Variants in DNAJC10 observed in about 807,000 individuals in gnomAD.
DNAJC10 encodes DnaJ heat shock protein family (Hsp40) member C10.
DNAJC10 carries 101 observed loss-of-function variants against 115.0 expected under a neutral mutation model. The ratio of observed to expected loss-of-function variants is 0.88; its 90% CI spans 0.75 to 1.04. The LOEUF is 1.04. Ranked by LOEUF, DNAJC10 falls within the 50% of genes least tolerant of loss-of-function variation. The pLI is 0.00. For missense variants in DNAJC10, 981 were observed against 928.8 expected (o/e 1.06, Z -0.73); for synonymous variants, 307 against 301.5 (o/e 1.02, Z -0.19).
In DNAJC10 at chr2:182,740,792, A is replaced by T. The variant is rs111586554; in HGVS notation, c.1077+404A>T. On this transcript the variant is annotated intron_variant, in intron 12 of 23. Coordinates refer to ENST00000264065, the MANE Select transcript of DNAJC10 (RefSeq NM_018981.4). The stretch of plus-strand genomic sequence containing the variant: ...TGTGGTAGAATCAGTTTTTTTTCCT[A>T]TTAGGTTGGTGCAAAAGTAATTGCA... Among the ~76,000 whole-genome samples the T allele has an allele frequency of 6.6e-4, 101 of 152,186 alleles. 1 individual carries two copies. The highest frequency in any genetic ancestry group is 2.4e-3 in the African/African-American group (100 of 41,556).
intron 10 of DNAJC10, 115 bp from the exon 11 acceptor site, chr2:182,736,134 A>C (rs1693579019): frequency 2.3e-6 from 2 of 888,408 alleles, no homozygotes; most frequent in African/African-American, 1.8e-5. Flanking sequence ...GAACTAAGGC[A>C]TGAAGTTTTA....
In DNAJC10 at chr2:182,756,361, C is replaced by T. The variant is rs150626904; in HGVS notation, c.1701C>T (p.Asn567=). The T allele has an allele frequency of 1.3e-4, 207 of 1,613,940 alleles. No homozygotes were observed. In the African/African-American group the frequency reaches 1.9e-3, roughly 15 times the overall value. ...SVVSLTPTTF[N]ELVTQRKHNE... is the part of the protein sequence containing the mutation. The stretch of plus-strand genomic sequence containing the variant: ...TCTCCCTTACACCCACCACCTTCAA[C>T]GAACTAGTTACACAAAGAAAACACA... Residue 567 remains asparagine, a synonymous_variant, in exon 18 of 24, where the codon AAC becomes AAT. Coordinates refer to ENST00000264065, the MANE Select transcript of DNAJC10 (RefSeq NM_018981.4).
Position 182,739,234 on chromosome 2 carries a change from TTA to T in DNAJC10, c.988-1051_988-1050del, listed in dbSNP as rs962208780. Among the ~76,000 whole-genome samples the T allele has an allele frequency of 2.8e-4, 41 of 145,188 alleles. No individual in the cohort carries two copies. In the South Asian group the frequency reaches 3.4e-3, roughly 12 times the overall value. On this transcript the variant is annotated intron_variant, in intron 11 of 23. Transcript: ENST00000264065. ...TATATATATAATATCTCATATATATTTATATATATATATATCTCATATATATA... is the reference window on the plus strand; with the variant it reads ...TATATATATAATATCTCATATATATTTATATATATATATCTCATATATATA...
rs901696503 is a variant in DNAJC10 at position 182,782,484 on chromosome 2, G to A, written c.*5352G>A. On this transcript the variant is annotated 3_prime_UTR_variant, in exon 24 of 24. Transcript: ENST00000264065. ...AGTCAATGGTAGCTTGATGGGAATA[G>A]CATTGAATCTATAAATTACTTTGGG... 1 of 152,012 alleles carries A rather than the reference G, an allele frequency of 6.6e-6. No homozygotes were observed. Among genetic ancestry groups the A allele is most frequent in the Non-Finnish European group, 1.5e-5 (1 of 68,004 alleles). The allele number at this position is 152,012 out of a possible 1,614,324, so 9.4% of individuals were successfully genotyped here.
At chr2:182,774,632 C>T (rs1198243422) in intron 22 of DNAJC10, among the ~76,000 whole-genome samples, 2 of 152,252 alleles carry the variant, frequency 1.3e-5, no homozygotes, top group East Asian at 1.9e-4. Context: ...GAGCAAGGCT[C>T]CATGGGTGTG....
chr2:182,729,159 T>C, intron 7 of DNAJC10, 165 bp downstream of exon 7: 1 of 736,780 alleles, frequency 1.4e-6, no homozygotes, highest in Non-Finnish European at 2.1e-6. Flanking sequence ...TTATGAATTT[T>C]TTTTTTTGAG....
At chr2:182,731,185 T>A in intron 9 of DNAJC10, 78 bp downstream of exon 9, 3 of 1,003,124 alleles carry the variant, frequency 3.0e-6, no homozygotes, top group South Asian at 1.5e-5. Context: ...TATGCTACTG[T>A]AATTGATTAT....
At chr2:182,740,769 T>G (rs1693712858) in intron 12 of DNAJC10, among the ~76,000 whole-genome samples, 1 of 152,152 alleles carries the variant, frequency 6.6e-6, no homozygotes, top group South Asian at 2.1e-4. Context: ...ATATTGCTTG[T>G]GGTAGAATCA....
chr2:182,785,210 C>G lies in DNAJC10; in HGVS notation c.*8078C>G, dbSNP rs1694925014. On this transcript the variant is annotated 3_prime_UTR_variant, in exon 24 of 24. Coordinates refer to ENST00000264065, the MANE Select transcript of DNAJC10 (RefSeq NM_018981.4). ...TACATGTATTGGAGCTCAGCAGATTCCCATTCATGAAGAATGGTGCCTGTG... is the reference window on the plus strand; with the variant it reads ...TACATGTATTGGAGCTCAGCAGATTGCCATTCATGAAGAATGGTGCCTGTG... 6.6e-6 allele frequency: 1 copy of G among 152,024 alleles called. No homozygotes were observed. The highest frequency in any genetic ancestry group is 2.1e-4 in the South Asian group (1 of 4,810). 9.4% of individuals were successfully genotyped at this position (152,024 alleles called of 1,614,324 possible).
intron 5 of DNAJC10, among the ~76,000 whole-genome samples, chr2:182,722,304 A>C (rs759983904): frequency 6.6e-6 from 1 of 152,226 alleles, no homozygotes; most frequent in Non-Finnish European, 1.5e-5. Context: ...AATAAAAGAA[A>C]TTTAAAAATC....
intron 4 of DNAJC10, among the ~76,000 whole-genome samples, chr2:182,720,934 A>G (rs1418908498): frequency 6.6e-6 from 1 of 152,152 alleles, no homozygotes; most frequent in East Asian, 1.9e-4. Flanking sequence ...GGTTGACATT[A>G]AGGTCAATAC....
At position 182,716,283 on chromosome 2, in the gene DNAJC10, T is replaced by G. The variant is rs1021697105; in HGVS notation, c.-404T>G. On this transcript the variant is annotated 5_prime_UTR_variant, in exon 1 of 24. Transcript: ENST00000264065. ...CCGGCTCGCCGTGGAGACCGGCGCGTGAGGAACCTACCGGTACCGGCCGCG... is the reference window on the plus strand; with the variant it reads ...CCGGCTCGCCGTGGAGACCGGCGCGGGAGGAACCTACCGGTACCGGCCGCG... 6.6e-6 allele frequency: 1 copy of G among 152,316 alleles called. No individual in the cohort carries two copies. The highest frequency in any genetic ancestry group is 2.4e-5 in the African/African-American group (1 of 41,418). The allele number at this position is 152,316 out of a possible 1,614,324, so 9.4% of individuals were successfully genotyped here. A position where few individuals can be genotyped will look rare whatever the true frequency, so the allele number is the denominator to read the frequency against.
intron 22 of DNAJC10, among the ~76,000 whole-genome samples, chr2:182,764,919 C>T (rs1343304174): frequency 6.6e-6 from 1 of 152,168 alleles, no homozygotes; most frequent in Non-Finnish European, 1.5e-5. Context: ...ATCCAATAGT[C>T]TGATCTGCAG....
chr2:182,736,269 A>G lies in DNAJC10; in HGVS notation c.870A>G (p.Gly290=), dbSNP rs894160489. The part of the protein sequence containing the change: ...SGMLDGLVNV[G]WMDCATQDNL... Reference sequence around the variant, plus strand: ...TTTAGGATGGTCTTGTTAATGTAGGATGGATGGACTGTGCCACCCAGGATA... The same window carrying G: ...TTTAGGATGGTCTTGTTAATGTAGGGTGGATGGACTGTGCCACCCAGGATA... The change falls in exon 11 of 24, where the codon GGA becomes GGG. Residue 290 remains glycine (G), a synonymous_variant. Coordinates refer to ENST00000264065, the MANE Select transcript of DNAJC10 (RefSeq NM_018981.4). The G allele has an allele frequency of 6.3e-6, 10 of 1,576,756 alleles. No homozygotes were observed. The highest frequency in any genetic ancestry group is 7.7e-6 in the Non-Finnish European group (9 of 1,167,186).
chr2:182,774,627 A>G (rs1694654876), intron 22 of DNAJC10, among the ~76,000 whole-genome samples: 1 of 152,224 alleles, frequency 6.6e-6, no homozygotes, highest in Non-Finnish European at 1.5e-5. Context: ...GCAGTGAGCA[A>G]GGCTCCATGG....
chr2:182,762,451 C>T (rs1694309562), intron 21 of DNAJC10, among the ~76,000 whole-genome samples: 1 of 152,096 alleles, frequency 6.6e-6, no homozygotes, highest in Non-Finnish European at 1.5e-5. Context: ...CAGGATAAAG[C>T]TGCTCAGTTT....
At position 182,765,034 on chromosome 2, in the gene DNAJC10, C is replaced by A. The variant is rs566500850; in HGVS notation, c.2265+2233C>A. 3.9e-5 allele frequency among the ~76,000 whole-genome samples: 6 copies of A among 152,264 alleles called. No individual in the cohort carries two copies. The South Asian group carries it at 1.2e-3, about 32-fold the overall frequency. On this transcript the variant is annotated intron_variant, in intron 22 of 23. Transcript: ENST00000264065. ...GCATGGCGACCACTGGATGGCCTCA[C>A]ACTTATATCGCCAGTCCGTACTCAG...
intron 14 of DNAJC10, among the ~76,000 whole-genome samples, chr2:182,746,037 T>A (rs1693856729): frequency 6.6e-6 from 1 of 152,188 alleles, no homozygotes; most frequent in South Asian, 2.1e-4. Flanking sequence ...GATTTCCAGT[T>A]TCATCCATGT....
chr2:182,719,147 C>T (rs1693076990), intron 3 of DNAJC10, among the ~76,000 whole-genome samples: 1 of 150,926 alleles, frequency 6.6e-6, no homozygotes, highest in Non-Finnish European at 1.5e-5. Flanking sequence ...AGTAGACCTT[C>T]TACCATCCGA....
Sources: allele counts gnomAD v4.1 joint callset (sites outside exome capture counted in the v4.1 genomes callset), GRCh38; gene constraint gnomAD v4.1.1; transcripts MANE v1.5; gene names NCBI Gene and HGNC (gene_info 2026-07-23, HGNC 2026-07-21).